The following RPS6KA2 variants were observed in gnomAD, a reference collection of about 807,000 sequenced individuals.
The protein encoded by RPS6KA2 is ribosomal protein S6 kinase A2.
In RPS6KA2, 42 loss-of-function variants were observed where a neutral mutation model predicts 91.8. That is an observed-to-expected ratio of 0.46 (90% CI 0.36 to 0.59). The LOEUF (loss-of-function observed/expected upper bound fraction) is 0.59, where lower values mean the gene tolerates loss of function less well. Among genes scored for constraint, RPS6KA2 ranks in the 20% least tolerant of loss-of-function variants. The probability of loss-of-function intolerance (pLI) is 0.00; values close to 1 mark genes in which losing one functional copy is unlikely to be tolerated. For missense variants in RPS6KA2, 798 were observed against 978.5 expected (o/e 0.82, Z 2.46); for synonymous variants, 414 against 393.6 (o/e 1.05, Z -0.61).
In RPS6KA2 at chr6:166,635,952, C is replaced by G. The variant is rs1207284428; in HGVS notation, c.124-97168G>C. 6.6e-6 allele frequency among the ~76,000 whole-genome samples: 1 copy of G among 152,210 alleles called. No individual in the cohort carries two copies. The highest frequency in any genetic ancestry group is 1.9e-4 in the East Asian group (1 of 5,196). On this transcript the variant is annotated intron_variant, in intron 2 of 21. Coordinates refer to the RPS6KA2 transcript ENST00000503859. This position sits in a 1 kb window ranked among gnomAD's most constrained non-coding sequence, Gnocchi z 4.8. ...GGTGGTCACCTGCTAGCTTGGCCGC[C>G]CATGGCCATTCCACATAAATCCAAA... is the stretch of plus-strand genomic sequence containing the variant.
At chr6:166,725,273 C>A (rs1790300860) in intron 2 of RPS6KA2, among the ~76,000 whole-genome samples, 1 of 152,168 alleles carries the variant, frequency 6.6e-6, no homozygotes, top group Non-Finnish European at 1.5e-5. Context: ...TCTCAGTTTT[C>A]TTTCTCCTTG....
intron 2 of RPS6KA2, among the ~76,000 whole-genome samples, chr6:166,802,898 G>T (rs1215815636): frequency 6.6e-6 from 1 of 150,934 alleles, no homozygotes; most frequent in Non-Finnish European, 1.5e-5. Context: ...TCATGAACAA[G>T]TGATAAACCA....
At chr6:166,492,861 G>A (rs548791989) in intron 8 of RPS6KA2, among the ~76,000 whole-genome samples, 4 of 150,378 alleles carry the variant, frequency 2.7e-5, no homozygotes, top group East Asian at 3.9e-4. Context: ...GACTACAGGC[G>A]TGAGCCACCA....
intron 2 of RPS6KA2, among the ~76,000 whole-genome samples, chr6:166,727,551 G>A (rs1790379031): frequency 6.6e-6 from 1 of 151,774 alleles, no homozygotes; most frequent in South Asian, 2.1e-4. Flanking sequence ...AGAATCCTCA[G>A]GGACGGCACC....
chr6:166,799,834 C>T (rs901862645), intron 2 of RPS6KA2, among the ~76,000 whole-genome samples: 2 of 151,916 alleles, frequency 1.3e-5, no homozygotes, highest in African/African-American at 4.8e-5. Flanking sequence ...GTGGTGATTT[C>T]TGCGATCTGG....
At chr6:166,594,309 A>G (rs919880866) in intron 1 of RPS6KA2, among the ~76,000 whole-genome samples, 28 of 152,250 alleles carry the variant, frequency 1.8e-4, no homozygotes, top group African/African-American at 6.0e-4. Context: ...ATTCTAAAGT[A>G]GAAAATGTTA....
At chr6:166,416,680 CCCA>C (rs869301993) in intron 19 of RPS6KA2, among the ~76,000 whole-genome samples, 5 of 37,900 alleles carry the variant, frequency 1.3e-4, no homozygotes, top group African/African-American at 2.1e-4. Flanking sequence ...CATCCCTGCT[CCCA>C]CCATTACCTC....
At chr6:166,474,957 C>G (rs989739994) in intron 10 of RPS6KA2, among the ~76,000 whole-genome samples, 2 of 152,234 alleles carry the variant, frequency 1.3e-5, no homozygotes, top group Non-Finnish European at 2.9e-5. Context: ...TCCGTGCTTA[C>G]AGGGTGCAGT....
chr6:166,430,301 T>A, intron 16 of RPS6KA2, 152 bp downstream of exon 16: 2 of 745,800 alleles, frequency 2.7e-6, no homozygotes, highest in South Asian at 3.7e-5. Flanking sequence ...GCACCGTCAC[T>A]GAGCCTCCAG....
chr6:166,507,138 A>G (rs2235268), intron 5 of RPS6KA2, among the ~76,000 whole-genome samples: 57,365 of 151,612 alleles, frequency 0.38, 10,945 homozygotes, highest in East Asian at 0.57. Flanking sequence ...GCTTAGCAGT[A>G]CCTCCCTCTT....
At chr6:166,742,507 G>T (rs1040814253) in intron 2 of RPS6KA2, among the ~76,000 whole-genome samples, 2 of 152,154 alleles carry the variant, frequency 1.3e-5, no homozygotes, top group African/African-American at 4.8e-5. Flanking sequence ...AATCCATGAG[G>T]ATTTCCCTTC....
At position 166,849,271 on chromosome 6, in the gene RPS6KA2, G is replaced by T. The variant is rs1302788827; in HGVS notation, c.123+8929C>A. ...GGGTAGAGAAGTCTACGGTAACCAT[G>T]CCCCATGCCTCTGCTGGTATGGCCC... On this transcript the variant is annotated intron_variant, in intron 2 of 21. Coordinates refer to the RPS6KA2 transcript ENST00000503859. This position sits in a 1 kb window ranked among gnomAD's most constrained non-coding sequence, Gnocchi z 4.9. 6.6e-6 allele frequency among the ~76,000 whole-genome samples: 1 copy of T among 152,194 alleles called. No homozygotes were observed. The highest frequency in any genetic ancestry group is 1.5e-5 in the Non-Finnish European group (1 of 68,040).
intron 1 of RPS6KA2, among the ~76,000 whole-genome samples, chr6:166,597,300 A>C (rs950616577): frequency 1.3e-5 from 2 of 152,164 alleles, no homozygotes; most frequent in Non-Finnish European, 2.9e-5. Flanking sequence ...GACGAATGGG[A>C]CTCAACAGGT....
intron 2 of RPS6KA2, among the ~76,000 whole-genome samples, chr6:166,812,517 A>G (rs1779665464): frequency 6.6e-6 from 1 of 151,970 alleles, no homozygotes; most frequent in African/African-American, 2.4e-5. Flanking sequence ...TGTCCCTTTT[A>G]GGCTTTCTCT....
intron 2 of RPS6KA2, among the ~76,000 whole-genome samples, chr6:166,725,454 C>A (rs958864474): frequency 1.3e-5 from 2 of 152,268 alleles, no homozygotes; most frequent in African/African-American, 4.8e-5. Flanking sequence ...ACCCCTCACC[C>A]TCCCCTTCAG....
chr6:166,779,181 TCCTA>T (rs962220904), intron 2 of RPS6KA2, among the ~76,000 whole-genome samples: 5 of 152,302 alleles, frequency 3.3e-5, no homozygotes, highest in African/African-American at 1.2e-4. Flanking sequence ...ATGGCATTTT[TCCTA>T]CCGTGATGTT....
intron 2 of RPS6KA2, among the ~76,000 whole-genome samples, chr6:166,705,716 C>T (rs553182807): frequency 1.3e-5 from 2 of 152,258 alleles, no homozygotes; most frequent in Admixed American, 1.3e-4. Context: ...ATAGACACTC[C>T]AACAGAATAG....
intron 2 of RPS6KA2, among the ~76,000 whole-genome samples, chr6:166,652,362 G>A (rs938035017): frequency 1.4e-4 from 21 of 152,168 alleles, no homozygotes; most frequent in African/African-American, 4.8e-4. Flanking sequence ...TTTACCCAAA[G>A]GATGGCTGAA....
At chr6:166,836,448 CAT>C (rs35704029) in intron 2 of RPS6KA2, among the ~76,000 whole-genome samples, 81,933 of 151,612 alleles carry the variant, frequency 0.54, 23,883 homozygotes, top group Middle Eastern at 0.72. Flanking sequence ...AGTAAATATA[CAT>C]GTTAATTATT....
Sources: allele counts gnomAD v4.1 joint callset (sites outside exome capture counted in the v4.1 genomes callset), GRCh38; gene constraint gnomAD v4.1.1; non-coding constraint Gnocchi (gnomAD v3.1); transcripts MANE v1.5; gene names NCBI Gene and HGNC (gene_info 2026-07-23, HGNC 2026-07-21).